PTDSS1: variants seen among roughly 807,000 people sequenced by gnomAD.
The protein encoded by PTDSS1 is PSS-1.
In PTDSS1, 45 loss-of-function variants were observed where a neutral mutation model predicts 70.5. The observed-to-expected ratio is 0.64, with a 90% CI of 0.50 to 0.82. The LOEUF is 0.82. PTDSS1 is among the 40% of genes least tolerant of loss of function. The pLI is 0.00. For missense variants in PTDSS1, 417 were observed against 586.1 expected, an observed-to-expected ratio of 0.71 and a Z score of 2.98; for synonymous variants, 188 against 203.8, an observed-to-expected ratio of 0.92 and a Z score of 0.66.
chr8:96,262,034 G>A lies in PTDSS1; in HGVS notation c.-7G>A. ...GCCGCCACCGCGGCAGGACGGGGAGGCGGGCCATGGCGTCCTGCGTGGGGA... is the reference window on the plus strand; with the variant it reads ...GCCGCCACCGCGGCAGGACGGGGAGACGGGCCATGGCGTCCTGCGTGGGGA... On this transcript the variant is annotated 5_prime_UTR_variant, in exon 1 of 13. Transcript: ENST00000517309. This position sits in a 1 kb window ranked among gnomAD's most constrained non-coding sequence, Gnocchi z 4.4. The A allele has an allele frequency of 6.2e-7, 1 of 1,610,048 alleles. No homozygotes were observed. The highest frequency in any genetic ancestry group is 8.5e-7 in the Non-Finnish European group (1 of 1,177,884).
At chr8:96,289,210 G>A (rs1034820096) in intron 4 of PTDSS1, among the ~76,000 whole-genome samples, 14 of 152,192 alleles carry the variant, frequency 9.2e-5, no homozygotes, top group African/African-American at 1.4e-4. Flanking sequence ...ACAGGTGTGA[G>A]CCACTGCACC....
Position 96,295,206 on chromosome 8 carries a change from C to T in PTDSS1, c.550C>T (p.Arg184Cys), listed in dbSNP as rs1810957971. The T allele has an allele frequency of 1.9e-6, 3 of 1,614,022 alleles. No homozygotes were observed. The highest frequency in any genetic ancestry group is 1.7e-6 in the Non-Finnish European group (2 of 1,180,012). Residue 184 changes from arginine (R) to cysteine (C), a missense_variant, in exon 5 of 13, where the codon CGT becomes TGT. Coordinates refer to ENST00000517309, the MANE Select transcript of PTDSS1 (RefSeq NM_014754.3). ...CTGGGCCATGAAGGCCTTGCTGATC[C>T]GTAGTTACGGTCTCTGCTGGACAAT... is the stretch of plus-strand genomic sequence containing the variant. ...WGWAMKALLIRSYGLCWTISI... is the reference protein window; with the variant it reads ...WGWAMKALLICSYGLCWTISI...
At chr8:96,286,257 C>T (rs1319116165) in intron 3 of PTDSS1, among the ~76,000 whole-genome samples, 1 of 152,168 alleles carries the variant, frequency 6.6e-6, no homozygotes, top group Non-Finnish European at 1.5e-5. Flanking sequence ...AACCACAAAA[C>T]CCCTCGTGAT....
chr8:96,303,449 A>G lies in PTDSS1; in HGVS notation c.753-591A>G, dbSNP rs1811077940. Among the ~76,000 whole-genome samples, 4 of 152,156 alleles carry G rather than the reference A, an allele frequency of 2.6e-5. 1 individual carries two copies. The South Asian group carries it at 8.3e-4, about 32-fold the overall frequency. On this transcript the variant is annotated intron_variant, in intron 6 of 12. Transcript: ENST00000517309. ...CATGATATAAATATTTGTGGAATTA[A>G]AGACTCTTTACCAGTTATTAAATAG...
intron 2 of PTDSS1, among the ~76,000 whole-genome samples, chr8:96,283,387 C>T (rs1012489735): frequency 6.6e-6 from 1 of 152,174 alleles, no homozygotes; most frequent in Non-Finnish European, 1.5e-5. Context: ...GCTCAGCTTG[C>T]TTTCTTCTCC....
intron 9 of PTDSS1, among the ~76,000 whole-genome samples, chr8:96,311,257 A>G (rs10107487): frequency 0.39 from 58,846 of 152,054 alleles, 12,622 homozygotes; most frequent in East Asian, 0.61. Flanking sequence ...AAATCTGTAC[A>G]TGAAGTTCAA....
At chr8:96,284,081 C>T (rs1277900458) in intron 2 of PTDSS1, 28 bp from the exon 3 acceptor site, 1 of 1,584,050 alleles carries the variant, frequency 6.3e-7, no homozygotes, top group Non-Finnish European at 8.6e-7. Flanking sequence ...CCAGTTCCTT[C>T]TAACTTTATA....
In PTDSS1 at chr8:96,301,312, T is replaced by C. The variant is rs1811046981; in HGVS notation, c.752+1467T>C. On this transcript the variant is annotated intron_variant, in intron 6 of 12. Coordinates refer to ENST00000517309, the MANE Select transcript of PTDSS1 (RefSeq NM_014754.3). ...GGTTTCACCATGTTGGCCAGGCTGG[T>C]CTCGAACTCCTGACCTCAGGTGATC... Among the ~76,000 whole-genome samples the C allele has an allele frequency of 2.0e-5, 3 of 151,942 alleles. No individual in the cohort carries two copies. The South Asian group carries it at 6.2e-4, about 31-fold the overall frequency.
chr8:96,291,515 T>C (rs1810904256), intron 4 of PTDSS1, among the ~76,000 whole-genome samples: 1 of 152,036 alleles, frequency 6.6e-6, no homozygotes, highest in Non-Finnish European at 1.5e-5. Context: ...GTGTTGACAT[T>C]TCTGCAGTCG....
At chr8:96,294,708 T>C (rs1400832165) in intron 4 of PTDSS1, among the ~76,000 whole-genome samples, 2 of 152,262 alleles carry the variant, frequency 1.3e-5, no homozygotes, top group Non-Finnish European at 2.9e-5. Flanking sequence ...TAATCCATGA[T>C]ACTTAGAAAT....
At chr8:96,298,269 T>G (rs1332895214) in intron 5 of PTDSS1, among the ~76,000 whole-genome samples, 5 of 152,218 alleles carry the variant, frequency 3.3e-5, no homozygotes, top group African/African-American at 1.2e-4. Context: ...AAAAAATTCC[T>G]CATATTTATA....
chr8:96,321,243 A>G (rs1811368852), intron 10 of PTDSS1, among the ~76,000 whole-genome samples: 1 of 152,194 alleles, frequency 6.6e-6, no homozygotes, highest in South Asian at 2.1e-4. Flanking sequence ...TTAATATTTC[A>G]GGATGGATCA....
chr8:96,307,622 A>G (rs1238103833), intron 8 of PTDSS1, among the ~76,000 whole-genome samples: 1 of 152,178 alleles, frequency 6.6e-6, no homozygotes, highest in Non-Finnish European at 1.5e-5. Context: ...TTCGTAGATT[A>G]GTGGTCTATT....
chr8:96,289,066 C>G (rs1244117659), intron 4 of PTDSS1, among the ~76,000 whole-genome samples: 1 of 152,008 alleles, frequency 6.6e-6, no homozygotes, highest in African/African-American at 2.4e-5. Context: ...TCCCAAATAG[C>G]TGGGACTACA....
intron 10 of PTDSS1, among the ~76,000 whole-genome samples, chr8:96,325,836 G>A (rs1310344402): frequency 6.6e-6 from 1 of 152,206 alleles, no homozygotes; most frequent in Admixed American, 6.5e-5. Flanking sequence ...AAGTTATGGG[G>A]ATCAGAGTAG....
intron 7 of PTDSS1, among the ~76,000 whole-genome samples, chr8:96,305,741 C>T (rs1413751869): frequency 3.9e-5 from 6 of 152,018 alleles, no homozygotes; most frequent in Non-Finnish European, 7.4e-5. Context: ...AGTGCAATGG[C>T]GTGATCTCGG....
intron 2 of PTDSS1, among the ~76,000 whole-genome samples, chr8:96,278,162 G>T (rs1243022489): frequency 6.6e-6 from 1 of 152,200 alleles, no homozygotes; most frequent in Non-Finnish European, 1.5e-5. Flanking sequence ...CTTGAGTAGA[G>T]ACCCCTTTTC....
intron 1 of PTDSS1, among the ~76,000 whole-genome samples, chr8:96,263,557 G>C (rs1393203680): frequency 6.6e-6 from 1 of 152,198 alleles, no homozygotes; most frequent in East Asian, 1.9e-4. Flanking sequence ...GCATTTAGCA[G>C]AGTCCCTGGA....
At chr8:96,292,385 C>T (rs1810920031) in intron 4 of PTDSS1, among the ~76,000 whole-genome samples, 1 of 149,448 alleles carries the variant, frequency 6.7e-6, no homozygotes, top group Non-Finnish European at 1.5e-5. Context: ...CAAAACAATA[C>T]AGTGTGAAAA....
Sources: gnomAD v4.1 joint callset for allele counts (sites outside exome capture counted in the v4.1 genomes callset) on GRCh38, gnomAD v4.1.1 for gene constraint, Gnocchi (gnomAD v3.1) non-coding constraint, MANE v1.5 for transcripts, NCBI Gene and HGNC (gene_info 2026-07-23, HGNC 2026-07-21) for gene names.